GALNT3: variants seen among roughly 807,000 people sequenced by gnomAD.
GALNT3 encodes the protein GalNAc transferase 3.
In GALNT3, 51 loss-of-function variants were observed where a neutral mutation model predicts 69.8. The ratio of observed to expected loss-of-function variants is 0.73; its 90% CI spans 0.58 to 0.92. The LOEUF (loss-of-function observed/expected upper bound fraction) is 0.92, where lower values mean the gene tolerates loss of function less well. GALNT3 is among the 40% of genes least tolerant of loss of function. GALNT3 has a pLI of 0.00. For synonymous variants in GALNT3, 265 were observed against 248.5 expected (o/e 1.07, Z -0.63); for missense variants, 711 against 760.0 (o/e 0.94, Z 0.76).
At chr2:165,784,133 C>T (rs7570718) in intron 1 of GALNT3, among the ~76,000 whole-genome samples, 1,578 of 152,236 alleles carry the variant, frequency 0.01, 12 homozygotes, top group African/African-American at 0.025. Flanking sequence ...CAGAACCATG[C>T]ATAGTCAATT....
rs776560259 is a variant in GALNT3 at position 165,770,443 on chromosome 2, G to C, written c.258C>G (p.Val86=). The C allele has an allele frequency of 1.2e-6, 2 of 1,614,192 alleles. No homozygotes were observed. Among genetic ancestry groups the C allele is most frequent in the East Asian group, 4.5e-5 (2 of 44,886 alleles). ...TCTCACCAGCATCAATGTTTTGCCT[G>C]ACAGGTGCTCCTATTTGCATTTTTG... ...AMPKMQIGAP[V]RQNIDAGERP... is the part of the protein sequence containing the mutation. Residue 86 remains valine (V), a synonymous_variant, in exon 2 of 11, where the codon GTC becomes GTG. Coordinates refer to ENST00000392701, the MANE Select transcript of GALNT3 (RefSeq NM_004482.4).
At chr2:165,784,506 GGTT>G (rs1387309869) in intron 1 of GALNT3, among the ~76,000 whole-genome samples, 3 of 152,272 alleles carry the variant, frequency 2.0e-5, no homozygotes, top group East Asian at 3.9e-4. Flanking sequence ...AGGCTACAGA[GGTT>G]GTTAAGTTGT....
chr2:165,761,976 C>A lies in GALNT3; in HGVS notation c.767G>T (p.Gly256Val), dbSNP rs1688558323. The A allele has an allele frequency of 1.2e-6, 2 of 1,613,322 alleles. No individual in the cohort carries two copies. Among genetic ancestry groups the A allele is most frequent in the Middle Eastern group, 1.7e-4 (1 of 6,058 alleles). ...VKIVRQRERK[G>V]LITARLLGAT... The stretch of plus-strand genomic sequence containing the variant: ...TCCTAGCAACCGAGCAGTGATCAGA[C>A]CTTTTCTTTCTCTTTGTCTGACTAT... Residue 256 changes from glycine (G) to valine (V), a missense_variant, in exon 4 of 11, where the codon GGT becomes GTT. Transcript: ENST00000392701.
chr2:165,754,612 T>G lies in GALNT3; in HGVS notation c.1626+15A>C. On this transcript the variant is annotated intron_variant, in intron 9 of 10. Transcript: ENST00000392701. Reference sequence around the variant, plus strand: ...AAATGCTTTACAAGTGAAGGATTTTTAATGCAGTGCTCACCTGGTTTCCCC... The same window carrying G: ...AAATGCTTTACAAGTGAAGGATTTTGAATGCAGTGCTCACCTGGTTTCCCC... The G allele has an allele frequency of 2.5e-6, 4 of 1,570,486 alleles. No homozygotes were observed. The highest frequency in any genetic ancestry group is 3.5e-6 in the Non-Finnish European group (4 of 1,140,652).
chr2:165,772,584 CAAAAAAAAAAAAAAA>C (rs375725339), intron 1 of GALNT3, among the ~76,000 whole-genome samples: 1 of 66,956 alleles, frequency 1.5e-5, no homozygotes, highest in African/African-American at 6.3e-5. Flanking sequence ...GACTCTGTCT[CAAAAAAAAAAAAAAA>C]AAAAAAAAAA....
At chr2:165,758,705 A>G (rs1688490121) in intron 6 of GALNT3, 42 bp downstream of exon 6, 1 of 1,167,878 alleles carries the variant, frequency 8.6e-7, no homozygotes, top group African/African-American at 1.5e-5. Context: ...AATATATTTC[A>G]TTGTTTAATA....
chr2:165,758,565 G>A (rs2105406410), intron 6 of GALNT3, 182 bp downstream of exon 6: 2 of 510,630 alleles, frequency 3.9e-6, no homozygotes, highest in East Asian at 3.3e-5. Context: ...TGGCGACAAT[G>A]AATAAATATA....
intron 4 of GALNT3, among the ~76,000 whole-genome samples, chr2:165,760,746 G>T (rs1208319752): frequency 6.6e-6 from 1 of 152,064 alleles, no homozygotes; most frequent in Non-Finnish European, 1.5e-5. Context: ...ACTAGTAATT[G>T]GGTGAAACAT....
chr2:165,777,587 T>C (rs1305962251), intron 1 of GALNT3, among the ~76,000 whole-genome samples: 1 of 152,178 alleles, frequency 6.6e-6, no homozygotes, highest in Non-Finnish European at 1.5e-5. Flanking sequence ...GGGTCAAATC[T>C]CATGGTGTTT....
rs753948743 is a variant in GALNT3 at position 165,754,644 on chromosome 2, C to G, written c.1609G>C (p.Gly537Arg). 6 of 1,612,608 alleles carry G rather than the reference C, an allele frequency of 3.7e-6. No homozygotes were observed. The highest frequency in any genetic ancestry group is 5.1e-6 in the Non-Finnish European group (6 of 1,179,044). ...GTGCTCACCTGGTTTCCCCCAAGTC[C>G]ATGACATGTATACATAATTAATGGT... ...GKPLIMYTCH[G>R]LGGNQYFEYS... The change falls in exon 9 of 11, where the codon GGA (glycine) becomes CGA (arginine). Residue 537 changes from glycine to arginine, a missense_variant. Coordinates refer to ENST00000392701, the MANE Select transcript of GALNT3 (RefSeq NM_004482.4).
chr2:165,766,461 G>T (rs2105415035), intron 2 of GALNT3, among the ~76,000 whole-genome samples: 1 of 152,316 alleles, frequency 6.6e-6, no homozygotes, highest in African/African-American at 2.4e-5. Context: ...AGGAGAGTCT[G>T]CATAGTCTCC....
intron 1 of GALNT3, chr2:165,771,562 T>G (rs1018503108): frequency 6.6e-6 from 1 of 152,190 alleles, no homozygotes; most frequent in African/African-American, 2.4e-5. Context: ...TGATAAAATA[T>G]TGCTTGCAAT....
intron 4 of GALNT3, among the ~76,000 whole-genome samples, chr2:165,760,877 C>T (rs924295122): frequency 3.9e-5 from 6 of 152,078 alleles, no homozygotes; most frequent in African/African-American, 1.4e-4. Context: ...CACATTGACT[C>T]TAAAAATGCT....
At chr2:165,754,903 A>G (rs1688418764) in intron 8 of GALNT3, 29 bp downstream of exon 8, 1 of 1,610,326 alleles carries the variant, frequency 6.2e-7, no homozygotes, top group Admixed American at 1.7e-5. Context: ...GGAGTATATT[A>G]ATTAAAAAAG....
intron 9 of GALNT3, among the ~76,000 whole-genome samples, chr2:165,753,214 T>A (rs1688384076): frequency 6.6e-6 from 1 of 152,162 alleles, no homozygotes; most frequent in Non-Finnish European, 1.5e-5. Flanking sequence ...CAAAGTTTCG[T>A]CCCATTAAAA....
Position 165,748,681 on chromosome 2 carries a change from T to C in GALNT3, c.*100A>G. ...AAAAATGCACTTGGAATAAGTTACA[T>C]TTAGCTGCTTTTGCATAATTTTCAA... On this transcript the variant is annotated 3_prime_UTR_variant, in exon 11 of 11. Transcript: ENST00000392701. 1 of 1,101,048 alleles carries C rather than the reference T, an allele frequency of 9.1e-7. No individual in the cohort carries two copies. The highest frequency in any genetic ancestry group is 1.3e-6 in the Non-Finnish European group (1 of 752,950). 68.2% of individuals were successfully genotyped at this position (1,101,048 alleles called of 1,614,324 possible). A position where few individuals can be genotyped will look rare whatever the true frequency, so the allele number is the denominator to read the frequency against.
intron 1 of GALNT3, among the ~76,000 whole-genome samples, chr2:165,773,810 A>G (rs1257664840): frequency 1.3e-5 from 2 of 152,170 alleles, no homozygotes; most frequent in East Asian, 3.9e-4. Context: ...AAAAAAAAAA[A>G]AGACAAATGA....
At chr2:165,767,443 T>C (rs1688663566) in intron 2 of GALNT3, among the ~76,000 whole-genome samples, 1 of 152,206 alleles carries the variant, frequency 6.6e-6, no homozygotes, top group East Asian at 1.9e-4. Context: ...CAAAAATTCA[T>C]ACTAGTAAAA....
intron 4 of GALNT3, 181 bp downstream of exon 4, chr2:165,761,724 G>C (rs1388513783): frequency 5.4e-6 from 4 of 738,800 alleles, no homozygotes; most frequent in Non-Finnish European, 9.9e-6. Context: ...CTGCATAAGT[G>C]AAAGGAATTT....
Sources: gnomAD v4.1 joint callset for allele counts (sites outside exome capture counted in the v4.1 genomes callset) on GRCh38, gnomAD v4.1.1 for gene constraint, MANE v1.5 for transcripts, NCBI Gene and HGNC (gene_info 2026-07-23, HGNC 2026-07-21) for gene names.